Variants in ARID1B observed in about 807,000 individuals in gnomAD.
ARID1B encodes the protein AT-rich interactive domain-containing protein 1B.
A neutral mutation model predicts 212.3 loss-of-function variants in ARID1B; 30 were observed. That is an observed-to-expected ratio of 0.14 (90% CI 0.11 to 0.19). The LOEUF is 0.19. Among genes scored for constraint, ARID1B ranks in the 10% least tolerant of loss-of-function variants. The probability of loss-of-function intolerance (pLI) is 1.00; values close to 1 mark genes in which losing one functional copy is unlikely to be tolerated. For synonymous variants in ARID1B, 1,402 were observed against 1,301.7 expected, an observed-to-expected ratio of 1.08 and a Z score of -1.66; for missense variants, 2,891 against 3,204.0, an observed-to-expected ratio of 0.90 and a Z score of 2.36.
intron 3 of ARID1B, among the ~76,000 whole-genome samples, chr6:156,921,340 T>C (rs1350058519): frequency 6.6e-6 from 1 of 152,026 alleles, no homozygotes; most frequent in Non-Finnish European, 1.5e-5. Context: ...TTGATGATAA[T>C]TTCAGATTTC....
intron 4 of ARID1B, among the ~76,000 whole-genome samples, chr6:156,988,581 ACTGC>A (rs1778079272): frequency 6.6e-6 from 1 of 152,214 alleles, no homozygotes; most frequent in Non-Finnish European, 1.5e-5. Context: ...GGAGTTAAGG[ACTGC>A]CAGAGGAGCT....
chr6:157,009,791 G>A (rs1471155165), intron 4 of ARID1B, among the ~76,000 whole-genome samples: 1 of 152,214 alleles, frequency 6.6e-6, no homozygotes, highest in Non-Finnish European at 1.5e-5. Flanking sequence ...GCACCTGTTT[G>A]TAGAGGTGGA....
chr6:156,893,364 C>T (rs1788114406), intron 2 of ARID1B, among the ~76,000 whole-genome samples: 1 of 152,160 alleles, frequency 6.6e-6, no homozygotes, highest in Non-Finnish European at 1.5e-5. Context: ...AAGTTTGGCA[C>T]TGCATTTGGT....
intron 4 of ARID1B, among the ~76,000 whole-genome samples, chr6:157,083,867 C>A (rs547927805): frequency 6.6e-6 from 1 of 152,318 alleles, no homozygotes; most frequent in Non-Finnish European, 1.5e-5. Context: ...GGCACAGTGG[C>A]TCATGCCAGT....
At chr6:157,159,691 T>C (rs1159757735) in intron 8 of ARID1B, among the ~76,000 whole-genome samples, 2 of 152,156 alleles carry the variant, frequency 1.3e-5, no homozygotes, top group Non-Finnish European at 2.9e-5. Flanking sequence ...TTCACCAAGA[T>C]GCAGGAGTGA....
chr6:157,055,405 T>G (rs990765053), intron 4 of ARID1B, among the ~76,000 whole-genome samples: 6 of 152,216 alleles, frequency 3.9e-5, no homozygotes, highest in Non-Finnish European at 8.8e-5. Flanking sequence ...TCTTTAGAAG[T>G]AGCTGCTCAA....
rs764969435 is a variant in ARID1B, at chr6:157,174,829, T to A, written c.3346-18T>A. The A allele has an allele frequency of 6.8e-7, 1 of 1,476,206 alleles. No homozygotes were observed. Among genetic ancestry groups the A allele is most frequent in the Non-Finnish European group, 9.0e-7 (1 of 1,112,240 alleles). 91.4% of individuals were successfully genotyped at this position (1,476,206 alleles called of 1,614,324 possible). ...CCCTACCTTTGTCATTTTTTTTTTT[T>A]TTATTCCTCTACCACAGGATAGCTA... On this transcript the variant is annotated intron_variant, in intron 10 of 19. Transcript: ENST00000636930.
intron 1 of ARID1B, among the ~76,000 whole-genome samples, chr6:156,780,726 G>T (rs1292895279): frequency 6.6e-6 from 1 of 152,182 alleles, no homozygotes; most frequent in Non-Finnish European, 1.5e-5. Flanking sequence ...ATTAATAAGA[G>T]GATCAAATAC....
rs138300198 is a variant in ARID1B at position 156,994,911 on chromosome 6, C to T, written c.2247+59335C>T. ...TGCACCAGTGCCTGCCAGAACATGA[C>T]GGTTGGGTTATTCTTACTGTCCTCC... On this transcript the variant is annotated intron_variant, in intron 4 of 19. Transcript: ENST00000636930. 3.8e-3 allele frequency among the ~76,000 whole-genome samples: 583 copies of T among 152,354 alleles called. 3 individuals carry two copies. Among genetic ancestry groups the T allele is most frequent in the African/African-American group, 0.013 (561 of 41,582 alleles).
At chr6:157,192,717 C>T (rs1793467956) in intron 15 of ARID1B, among the ~76,000 whole-genome samples, 1 of 152,078 alleles carries the variant, frequency 6.6e-6, no homozygotes, top group African/African-American at 2.4e-5. Flanking sequence ...AAGTACAATC[C>T]CTAGTGTATT....
Position 156,778,020 on chromosome 6 carries a change from G to C in ARID1B, c.340G>C (p.Ala114Pro), listed in dbSNP as rs2114959342. The C allele has an allele frequency of 2.6e-6, 4 of 1,533,522 alleles. No individual in the cohort carries two copies. Among genetic ancestry groups the C allele is most frequent in the Non-Finnish European group, 3.5e-6 (4 of 1,145,486 alleles). 95.0% of individuals were successfully genotyped at this position (1,533,522 alleles called of 1,614,324 possible). A position where few individuals can be genotyped will look rare whatever the true frequency, so the allele number is the denominator to read the frequency against. The change falls in exon 1 of 20, where the codon GCC becomes CCC. Residue 114 changes from alanine (A) to proline (P), a missense_variant. Ala to Pro is a conservative substitution (Grantham distance 27). Around this residue, in one of 7 missense-constraint regions of ARID1B, gnomAD observed 1,643 missense variants for 1,544.0 expected, o/e 1.06. Coordinates refer to ENST00000636930, the MANE Select transcript of ARID1B (RefSeq NM_001374828.1). Reference protein sequence around the residue: ...SEAALKEGGSAAALSSSSSSS... With the variant: ...SEAALKEGGSPAALSSSSSSS... ...GGCGGCTCTCAAGGAGGGTGGAAGCGCCGCCGCGCTGTCCTCCTCCTCCTC... is the reference window on the plus strand; with the variant it reads ...GGCGGCTCTCAAGGAGGGTGGAAGCCCCGCCGCGCTGTCCTCCTCCTCCTC...
At chr6:156,937,899 G>A (rs913828602) in intron 4 of ARID1B, 3 of 151,200 alleles carry the variant, frequency 2.0e-5, no homozygotes, top group Non-Finnish European at 2.9e-5. Context: ...TTTTCTTTCC[G>A]TTTTTGTAAC....
intron 1 of ARID1B, among the ~76,000 whole-genome samples, chr6:156,809,215 C>T (rs1024045322): frequency 3.9e-5 from 6 of 152,216 alleles, no homozygotes; most frequent in East Asian, 1.9e-4. Flanking sequence ...GACTGACCTC[C>T]TGATTAAGAG....
intron 4 of ARID1B, among the ~76,000 whole-genome samples, chr6:156,975,753 T>C (rs111552085): frequency 1.6e-4 from 25 of 152,274 alleles, no homozygotes; most frequent in African/African-American, 5.8e-4. Context: ...ATTTTTCTCC[T>C]CTTCCCCCCA....
chr6:156,847,392 A>G lies in ARID1B; in HGVS notation c.1986+17971A>G, dbSNP rs577408619. ...CAGGAAAAGCTTCAGGGAACTCAGG[A>G]AGTGCTGCTCAGGGGAAAGGGTCTC... On this transcript the variant is annotated intron_variant, in intron 2 of 19. Coordinates refer to ENST00000636930, the MANE Select transcript of ARID1B (RefSeq NM_001374828.1). Among the ~76,000 whole-genome samples the G allele has an allele frequency of 2.0e-5, 3 of 152,306 alleles. No individual in the cohort carries two copies. In the South Asian group the frequency reaches 6.2e-4, roughly 32 times the overall value.
At chr6:156,940,376 T>C (rs973056447) in intron 4 of ARID1B, 1 of 152,242 alleles carries the variant, frequency 6.6e-6, no homozygotes, top group African/African-American at 2.4e-5. Flanking sequence ...AATCCCTGAA[T>C]GTGTTGAATA....
intron 1 of ARID1B, among the ~76,000 whole-genome samples, chr6:156,813,026 A>ATATACATATATATACACATACGTATGTG (rs1781691038): frequency 1.4e-5 from 2 of 140,332 alleles, no homozygotes; most frequent in East Asian, 2.0e-4. Flanking sequence ...ATACGTATGT[A>ATATACATATATATACACATACGTATGTG]TATACATATA....
intron 7 of ARID1B, among the ~76,000 whole-genome samples, chr6:157,140,394 C>T (rs936481530): frequency 2.6e-5 from 4 of 151,638 alleles, no homozygotes; most frequent in South Asian, 2.1e-4. Context: ...TACTTGAACC[C>T]GGGAGGCGGA....
intron 2 of ARID1B, among the ~76,000 whole-genome samples, chr6:156,846,855 C>T (rs1784267184): frequency 6.6e-6 from 1 of 152,156 alleles, no homozygotes; most frequent in Non-Finnish European, 1.5e-5. Context: ...TTTACCCAGC[C>T]CCCCGCCACC....
Sources: allele counts gnomAD v4.1 joint callset (sites outside exome capture counted in the v4.1 genomes callset), GRCh38; gene constraint gnomAD v4.1.1; regional missense constraint gnomAD v4.1.1; transcripts MANE v1.5; gene names NCBI Gene and HGNC (gene_info 2026-07-23, HGNC 2026-07-21).